Variants in BTLA observed in about 807,000 individuals in gnomAD.
The protein encoded by BTLA is B- and T-lymphocyte attenuator.
BTLA carries 11 observed loss-of-function variants against 25.0 expected under a neutral mutation model. That is an observed-to-expected ratio of 0.44 (90% confidence interval 0.28 to 0.73). The LOEUF is 0.73. BTLA is among the 30% of genes least tolerant of loss of function. The pLI is 0.15. For synonymous variants in BTLA, 104 were observed against 119.8 expected (o/e 0.87, Z 0.86); for missense variants, 282 against 332.8 (o/e 0.85, Z 1.19).
chr3:112,484,354 T>C (rs571237397), intron 1 of BTLA, among the ~76,000 whole-genome samples: 161 of 152,334 alleles, frequency 1.1e-3, no homozygotes, highest in African/African-American at 3.3e-3. Flanking sequence ...GGCACGGAAA[T>C]AGCTACAAAT....
chr3:112,485,206 G>A (rs968479042), intron 1 of BTLA, among the ~76,000 whole-genome samples: 2 of 151,678 alleles, frequency 1.3e-5, no homozygotes, highest in South Asian at 2.1e-4. Context: ...AACCACGCCC[G>A]GCTAATTTTT....
intron 2 of BTLA, among the ~76,000 whole-genome samples, chr3:112,473,369 A>G (rs142606116): frequency 3.3e-4 from 50 of 152,170 alleles, no homozygotes; most frequent in South Asian, 1.5e-3. Context: ...TCACTGAAAG[A>G]CTGTAAATAC....
At chr3:112,475,189 A>G (rs535734868) in intron 2 of BTLA, among the ~76,000 whole-genome samples, 1 of 152,314 alleles carries the variant, frequency 6.6e-6, no homozygotes, top group Non-Finnish European at 1.5e-5. Context: ...AAGCCAAAGA[A>G]AATTCTCTGG....
chr3:112,467,360 T>C (rs1466939458), intron 4 of BTLA, among the ~76,000 whole-genome samples: 4 of 152,224 alleles, frequency 2.6e-5, no homozygotes, highest in Non-Finnish European at 5.9e-5. Context: ...TGATGTTTTC[T>C]CACTCTTCAG....
chr3:112,492,598 A>G (rs192421321), intron 1 of BTLA, among the ~76,000 whole-genome samples: 11 of 152,348 alleles, frequency 7.2e-5, no homozygotes, highest in African/African-American at 2.6e-4. Context: ...ATACTTCCTC[A>G]CATCTCTAAT....
intron 3 of BTLA, chr3:112,470,552 TC>T (rs1393843615): frequency 6.6e-6 from 1 of 152,252 alleles, no homozygotes; most frequent in South Asian, 2.1e-4. Context: ...ATCAGAATTC[TC>T]TATGCTTTCC....
At chr3:112,472,634 C>T (rs937748197) in intron 2 of BTLA, among the ~76,000 whole-genome samples, 6 of 151,850 alleles carry the variant, frequency 4.0e-5, no homozygotes, top group African/African-American at 7.3e-5. Flanking sequence ...GTGGAGACTT[C>T]GGTGAACCGA....
At chr3:112,485,290 C>G (rs2082340449) in intron 1 of BTLA, among the ~76,000 whole-genome samples, 1 of 152,130 alleles carries the variant, frequency 6.6e-6, no homozygotes, top group African/African-American at 2.4e-5. Flanking sequence ...GGTGATCCAC[C>G]CGCCTCTGCC....
intron 1 of BTLA, among the ~76,000 whole-genome samples, chr3:112,484,942 C>G (rs533639400): frequency 1.7e-4 from 26 of 152,302 alleles, no homozygotes; most frequent in African/African-American, 5.8e-4. Context: ...CCTCTGTGCA[C>G]AAACAAGGTA....
chr3:112,495,971 G>T (rs1169171303), intron 1 of BTLA, among the ~76,000 whole-genome samples: 2 of 152,176 alleles, frequency 1.3e-5, no homozygotes, highest in Non-Finnish European at 2.9e-5. Flanking sequence ...CCAGAATACA[G>T]GTGTCTTTCC....
At chr3:112,473,119 C>T (rs2082271673) in intron 2 of BTLA, among the ~76,000 whole-genome samples, 1 of 151,446 alleles carries the variant, frequency 6.6e-6, no homozygotes, top group South Asian at 2.1e-4. Flanking sequence ...AAAACTCCCC[C>T]TAACTTATTT....
At chr3:112,489,379 T>C (rs2107333961) in intron 1 of BTLA, among the ~76,000 whole-genome samples, 1 of 152,340 alleles carries the variant, frequency 6.6e-6, no homozygotes, top group South Asian at 2.1e-4. Flanking sequence ...GTTATGATTA[T>C]GAATATTTTA....
intron 2 of BTLA, among the ~76,000 whole-genome samples, chr3:112,477,106 C>A (rs1004788067): frequency 5.9e-5 from 9 of 151,994 alleles, no homozygotes; most frequent in Non-Finnish European, 1.2e-4. Flanking sequence ...TTGTTTCTAC[C>A]TTTTGGCTAT....
chr3:112,474,440 C>A (rs553111575), intron 2 of BTLA, among the ~76,000 whole-genome samples: 4 of 151,920 alleles, frequency 2.6e-5, no homozygotes, highest in Non-Finnish European at 4.4e-5. Context: ...AGTTTTAAAT[C>A]CACACAGAGT....
intron 3 of BTLA, 170 bp from the exon 4 acceptor site, chr3:112,469,974 G>GCT: frequency 1.9e-6 from 1 of 539,316 alleles, no homozygotes; most frequent in South Asian, 2.2e-5. Flanking sequence ...ACACTGACCA[G>GCT]CTCTCTCTCT....
At chr3:112,480,396 G>A (rs2082311836) in intron 1 of BTLA, among the ~76,000 whole-genome samples, 1 of 152,124 alleles carries the variant, frequency 6.6e-6, no homozygotes, top group African/African-American at 2.4e-5. Flanking sequence ...CTCTACACAC[G>A]GACACATGAG....
intron 2 of BTLA, among the ~76,000 whole-genome samples, chr3:112,472,940 G>A (rs2082270826): frequency 6.6e-6 from 1 of 151,776 alleles, no homozygotes; most frequent in African/African-American, 2.4e-5. Context: ...GGGGACTAAG[G>A]TTTCTACAAC....
intron 4 of BTLA, among the ~76,000 whole-genome samples, chr3:112,466,983 G>A (rs1410847438): frequency 6.7e-6 from 1 of 148,628 alleles, no homozygotes; most frequent in Non-Finnish European, 1.5e-5. Flanking sequence ...TTTTGAGACG[G>A]AGTCTTGCCT....
chr3:112,491,539 G>A (rs1297530345), intron 1 of BTLA, among the ~76,000 whole-genome samples: 1 of 152,180 alleles, frequency 6.6e-6, no homozygotes, highest in Non-Finnish European at 1.5e-5. Context: ...CAGCTGGTAG[G>A]AGGAAGAGTC....
Sources: allele counts gnomAD v4.1 joint callset (sites outside exome capture counted in the v4.1 genomes callset), GRCh38; gene constraint gnomAD v4.1.1; transcripts MANE v1.5; gene names NCBI Gene and HGNC (gene_info 2026-07-23, HGNC 2026-07-21).